Variants in RGS6 observed in about 807,000 individuals in gnomAD.
The protein encoded by RGS6 is regulator of G-protein signaling 6.
RGS6 carries 30 observed loss-of-function variants against 78.5 expected under a neutral mutation model. The ratio of observed to expected loss-of-function variants is 0.38; its 90% CI spans 0.29 to 0.52. The LOEUF (loss-of-function observed/expected upper bound fraction) is 0.52. Among genes scored for constraint, RGS6 ranks in the 20% least tolerant of loss-of-function variants. The pLI, the probability that RGS6 is intolerant of heterozygous loss-of-function variation, is 0.85. For missense variants in RGS6, 495 were observed against 609.7 expected (o/e 0.81, Z 1.98); for synonymous variants, 206 against 206.0 (o/e 1.00, Z 0.00).
At chr14:72,004,597 G>T (rs2084146107) in intron 2 of RGS6, among the ~76,000 whole-genome samples, 1 of 152,158 alleles carries the variant, frequency 6.6e-6, no homozygotes, top group Non-Finnish European at 1.5e-5. Flanking sequence ...ATTTTGGGAG[G>T]CCAAGGTGGG....
At chr14:71,876,755 A>T in the RGS6 span, among the ~76,000 whole-genome samples, 39 of 152,026 alleles carry the variant, frequency 2.6e-4, no homozygotes, top group Non-Finnish European at 4.4e-4. Flanking sequence ...TAGTAGATGC[A>T]GTTTCTTCCT....
rs1269706354 is a variant in RGS6 at position 71,948,736 on chromosome 14, CTCTCTTTT to C, written c.-21+15797_-21+15804del. ...CTAAGCTGATTTCCTTTCTCTCTCT[CTCTCTTTT>C]TTTTTTTTTTTTTTTTTTTTTTAAA... On this transcript the variant is annotated intron_variant, in intron 1 of 17. Transcript: ENST00000553525. Among the ~76,000 whole-genome samples the C allele has an allele frequency of 1.2e-3, 67 of 53,878 alleles. 2 individuals are homozygous for C. In the South Asian group the frequency reaches 0.042, roughly 34 times the overall value. The allele number at this position is 53,878 out of a possible 152,430, so 35.3% of individuals were successfully genotyped here.
the RGS6 span, among the ~76,000 whole-genome samples, chr14:72,605,548 T>C: frequency 6.6e-6 from 1 of 152,214 alleles, no homozygotes; most frequent in Non-Finnish European, 1.5e-5. Flanking sequence ...AAAGCGCTGA[T>C]GGTTCAAAAC....
chr14:72,038,035 A>G (rs902621451), intron 2 of RGS6, among the ~76,000 whole-genome samples: 8 of 150,824 alleles, frequency 5.3e-5, no homozygotes, highest in African/African-American at 1.5e-4. Flanking sequence ...CAATGGTGCA[A>G]TCTCAGTCAC....
chr14:72,364,538 A>G (rs2082108062), intron 3 of RGS6, among the ~76,000 whole-genome samples: 2 of 152,324 alleles, frequency 1.3e-5, no homozygotes, highest in South Asian at 2.1e-4. Flanking sequence ...AGATACTCCA[A>G]CATTGGAGCT....
At chr14:71,983,285 A>C (rs537927254) in intron 2 of RGS6, among the ~76,000 whole-genome samples, 84 of 152,336 alleles carry the variant, frequency 5.5e-4, no homozygotes, top group Admixed American at 3.9e-4. Context: ...TCTACGTATG[A>C]AATGGACCTG....
intron 3 of RGS6, among the ~76,000 whole-genome samples, chr14:72,418,164 A>G (rs772407574): frequency 2.0e-5 from 3 of 151,764 alleles, no homozygotes; most frequent in Admixed American, 1.3e-4. Flanking sequence ...TCTCTCTTCA[A>G]AATAAACTTT....
chr14:72,120,390 T>C (rs1018187143), intron 2 of RGS6, among the ~76,000 whole-genome samples: 1 of 152,226 alleles, frequency 6.6e-6, no homozygotes, highest in African/African-American at 2.4e-5. Context: ...ATTTGCTGCT[T>C]TCTGTTTCTT....
At chr14:72,213,359 G>A (rs181043197) in intron 2 of RGS6, among the ~76,000 whole-genome samples, 103 of 152,254 alleles carry the variant, frequency 6.8e-4, no homozygotes, top group African/African-American at 2.2e-3. Context: ...ACCACATGAC[G>A]TATGTAAGAT....
chr14:71,918,415 A>G, the RGS6 span, among the ~76,000 whole-genome samples: 1 of 152,062 alleles, frequency 6.6e-6, no homozygotes, highest in African/African-American at 2.4e-5. Context: ...TCAGTTGCTA[A>G]AGCCTGATTC....
chr14:72,028,568 A>G (rs1309942347), intron 2 of RGS6, among the ~76,000 whole-genome samples: 2 of 152,236 alleles, frequency 1.3e-5, no homozygotes, highest in African/African-American at 4.8e-5. Context: ...AAATATCCTC[A>G]TGGTATGGTT....
chr14:72,244,260 CTTTTT>C (rs10587768), intron 2 of RGS6, among the ~76,000 whole-genome samples: 2 of 140,100 alleles, frequency 1.4e-5, no homozygotes, highest in Non-Finnish European at 1.6e-5. Context: ...ATTTGTCTAA[CTTTTT>C]TTTTTTTTTT....
chr14:72,258,531 G>A (rs910779813), intron 2 of RGS6, among the ~76,000 whole-genome samples: 4 of 152,156 alleles, frequency 2.6e-5, no homozygotes, highest in Non-Finnish European at 4.4e-5. Flanking sequence ...CCAAGTCTGG[G>A]TTGCGTCTGA....
rs368187289 is a variant in RGS6 at position 72,335,159 on chromosome 14, A to G, written c.85-16936A>G. On this transcript the variant is annotated intron_variant, in intron 2 of 17. Coordinates refer to ENST00000553525, the MANE Select transcript of RGS6 (RefSeq NM_001204424.2). The stretch of plus-strand genomic sequence containing the variant: ...CCATGATTGTGAGGCTTCCCCAGCC[A>G]TATGGAACTGTGAGTCAATTAAACC... 2.2e-4 allele frequency among the ~76,000 whole-genome samples: 34 copies of G among 152,268 alleles called. 1 individual carries two copies. In the South Asian group the frequency reaches 6.2e-3, roughly 28 times the overall value.
At chr14:72,085,785 C>T (rs191426218) in intron 2 of RGS6, among the ~76,000 whole-genome samples, 23 of 130,840 alleles carry the variant, frequency 1.8e-4, no homozygotes, top group African/African-American at 4.6e-4. Flanking sequence ...ACCCAGGAGG[C>T]GGAGGCTGCA....
chr14:72,057,313 G>GAA lies in RGS6; in HGVS notation c.84+92464_84+92465dup, dbSNP rs71109718. Among the ~76,000 whole-genome samples, 345 of 56,138 alleles carry GAA rather than the reference G, an allele frequency of 6.1e-3. 13 individuals carry two copies. The highest frequency in any genetic ancestry group is 9.3e-3 in the Non-Finnish European group (292 of 31,382). The allele number at this position is 56,138 out of a possible 152,430, so 36.8% of individuals were successfully genotyped here. On this transcript the variant is annotated intron_variant, in intron 2 of 17. Coordinates refer to ENST00000553525, the MANE Select transcript of RGS6 (RefSeq NM_001204424.2). The stretch of plus-strand genomic sequence containing the variant: ...TGAGTGACAGAGTGAGACTCTATCT[G>GAA]AAAAAAAAAAAAAAAAAAAAAAAAA...
At chr14:72,159,995 A>G (rs2096830057) in intron 2 of RGS6, among the ~76,000 whole-genome samples, 1 of 152,250 alleles carries the variant, frequency 6.6e-6, no homozygotes, top group African/African-American at 2.4e-5. Flanking sequence ...ATAATAAATT[A>G]CAGTTCTTTA....
intron 2 of RGS6, among the ~76,000 whole-genome samples, chr14:71,970,528 A>C: frequency 6.6e-6 from 1 of 152,182 alleles, no homozygotes; most frequent in East Asian, 1.9e-4. Flanking sequence ...AGCCTGGAAG[A>C]ATCCGATGCT....
chr14:71,955,597 G>C (rs561293423), intron 1 of RGS6, among the ~76,000 whole-genome samples: 8 of 152,256 alleles, frequency 5.3e-5, no homozygotes, highest in African/African-American at 1.9e-4. Context: ...GTAACTTCCT[G>C]ATGTTGCCAT....
Sources: gnomAD v4.1 joint callset for allele counts (sites outside exome capture counted in the v4.1 genomes callset) on GRCh38, gnomAD v4.1.1 for gene constraint, MANE v1.5 for transcripts, NCBI Gene and HGNC (gene_info 2026-07-23, HGNC 2026-07-21) for gene names.